MED25: variants seen among roughly 807,000 people sequenced by gnomAD.
MED25 encodes the protein mediator of RNA polymerase II transcription subunit 25.
MED25 carries 62 observed loss-of-function variants against 89.4 expected under a neutral mutation model. That is an observed-to-expected ratio of 0.69 (90% CI 0.57 to 0.86). The LOEUF (loss-of-function observed/expected upper bound fraction) is 0.86, where lower values mean the gene tolerates loss of function less well. MED25 is among the 40% of genes least tolerant of loss of function. The pLI, the probability that MED25 is intolerant of heterozygous loss-of-function variation, is 0.00. For synonymous variants in MED25, 449 were observed against 427.9 expected (o/e 1.05, Z -0.61); for missense variants, 905 against 1,005.2 (o/e 0.90, Z 1.35).
At position 49,835,520 on chromosome 19, in the gene MED25, C is replaced by G. The variant is rs1338661022; in HGVS notation, c.1675-14C>G. 1 of 1,541,276 alleles carries G rather than the reference C, an allele frequency of 6.5e-7. No individual in the cohort carries two copies. The highest frequency in any genetic ancestry group is 1.2e-5 in the South Asian group (1 of 82,706). On this transcript the variant is annotated splice_polypyrimidine_tract_variant and intron_variant, in intron 14 of 17. Coordinates refer to ENST00000312865, the MANE Select transcript of MED25 (RefSeq NM_030973.4). The surrounding 1 kb of genome is among the most constrained non-coding windows in gnomAD (Gnocchi z 6.2). The stretch of plus-strand genomic sequence containing the variant: ...CACCCTCAGTTACTGACCTGCCCCT[C>G]TCTCCCCGTGCAGATGGGGGGACAG...
rs372428025 is a variant in MED25, at chr19:49,835,714, C to G, written c.1747-13C>G. 127 of 1,607,396 alleles carry G rather than the reference C, an allele frequency of 7.9e-5. No individual in the cohort carries two copies. Among genetic ancestry groups the G allele is most frequent in the Non-Finnish European group, 1.0e-4 (120 of 1,177,606 alleles). ...CTGCCCATCTCCCTCACCCCTGTGT[C>G]TCTTCCCACCAGCTCCAGCTCCGCC... On this transcript the variant is annotated splice_polypyrimidine_tract_variant and intron_variant, in intron 15 of 17. Coordinates refer to ENST00000312865, the MANE Select transcript of MED25 (RefSeq NM_030973.4). The surrounding 1 kb of genome is among the most constrained non-coding windows in gnomAD (Gnocchi z 6.2).
intron 3 of MED25, among the ~76,000 whole-genome samples, chr19:49,825,941 A>G (rs1483954639): frequency 6.6e-6 from 1 of 151,406 alleles, no homozygotes; most frequent in African/African-American, 2.4e-5. Context: ...CTCGAGTCCC[A>G]GAAAGGCCCA....
At position 49,830,929 on chromosome 19, in the gene MED25, C is replaced by CCCCTGCTCCT; in HGVS notation, c.1101+42_1101+43insCCCTGCTCCT. 7 of 1,575,184 alleles carry CCCCTGCTCCT rather than the reference C, an allele frequency of 4.4e-6. No individual in the cohort carries two copies. Among genetic ancestry groups the CCCCTGCTCCT allele is most frequent in the Non-Finnish European group, 6.1e-6 (7 of 1,155,614 alleles). Reference sequence around the variant, plus strand: ...CTCCTGCCCCTGCTCCTTCCTCCTGCTGTCCACAGCTAGGACAGTTAGAGG... The same window carrying CCCCTGCTCCT: ...CTCCTGCCCCTGCTCCTTCCTCCTGCCCCTGCTCCTTGTCCACAGCTAGGACAGTTAGAGG... On this transcript the variant is annotated intron_variant, in intron 9 of 17. Transcript: ENST00000312865. The surrounding 1 kb of genome is among the most constrained non-coding windows in gnomAD (Gnocchi z 4.6).
At chr19:49,832,223 C>T (rs1363847037) in intron 12 of MED25, 66 bp downstream of exon 12, 1 of 1,562,526 alleles carries the variant, frequency 6.4e-7, no homozygotes, top group Non-Finnish European at 8.7e-7. Context: ...CTTTCCTGTT[C>T]CCTGCCCCAC....
rs554059694 is a variant in MED25, at chr19:49,834,166, A to G, written c.1483-820A>G. ...TCACCTCCTATCCCGGACCTAGGCC[A>G]CTGGGCAGCCCCTAGTTGATGGGAG... On this transcript the variant is annotated intron_variant, in intron 13 of 17. Coordinates refer to ENST00000312865, the MANE Select transcript of MED25 (RefSeq NM_030973.4). The surrounding 1 kb of genome is among the most constrained non-coding windows in gnomAD (Gnocchi z 4.1). 6.6e-6 allele frequency: 1 copy of G among 152,342 alleles called. No homozygotes were observed. Among genetic ancestry groups the G allele is most frequent in the Non-Finnish European group, 1.5e-5 (1 of 68,060 alleles). 9.4% of individuals were successfully genotyped at this position (152,342 alleles called of 1,614,324 possible).
At position 49,830,990 on chromosome 19, in the gene MED25, G is replaced by C; in HGVS notation, c.1101+103G>C. The C allele has an allele frequency of 1.5e-6, 2 of 1,304,134 alleles. No homozygotes were observed. The highest frequency in any genetic ancestry group is 2.2e-6 in the Non-Finnish European group (2 of 913,508). The allele number at this position is 1,304,134 out of a possible 1,614,324, so 80.8% of individuals were successfully genotyped here. A position where few individuals can be genotyped will look rare whatever the true frequency, so the allele number is the denominator to read the frequency against. ...TGCCTTCCAGGGGGATGTGGCTCTC[G>C]TGGTTCTGGGGCTTTGGGGGCTCGT... On this transcript the variant is annotated intron_variant, in intron 9 of 17. Coordinates refer to ENST00000312865, the MANE Select transcript of MED25 (RefSeq NM_030973.4). This position sits in a 1 kb window ranked among gnomAD's most constrained non-coding sequence, Gnocchi z 4.6.
In MED25 at chr19:49,832,370, C is replaced by T. The variant is rs1484444238; in HGVS notation, c.1437C>T (p.Asp479=). Residue 479 remains aspartate, a synonymous_variant, in exon 13 of 18, where the codon GAC becomes GAT. Transcript: ENST00000312865. ...TCCAGTTCCATTTCACCAACAAGGA[C>T]CTGGAGTCTCTCAAAGGCCTCTACC... is the stretch of plus-strand genomic sequence containing the variant. ...RMVQFHFTNK[D]LESLKGLYRI... is the part of the protein sequence containing the mutation. The T allele has an allele frequency of 2.5e-6, 4 of 1,611,506 alleles. No homozygotes were observed. The highest frequency in any genetic ancestry group is 3.4e-6 in the Non-Finnish European group (4 of 1,178,778).
At position 49,832,394 on chromosome 19, in the gene MED25, C is replaced by T; in HGVS notation, c.1461C>T (p.Tyr487=). ...NKDLESLKGL[Y]RIMGNGFAGC... Reference sequence around the variant, plus strand: ...ACCTGGAGTCTCTCAAAGGCCTCTACCGCATCATGGGCAACGGCTTCGTGA... The same window carrying T: ...ACCTGGAGTCTCTCAAAGGCCTCTATCGCATCATGGGCAACGGCTTCGTGA... The change falls in exon 13 of 18, where the codon TAC becomes TAT. Residue 487 remains tyrosine (Y), a synonymous_variant. Coordinates refer to ENST00000312865, the MANE Select transcript of MED25 (RefSeq NM_030973.4). 1 of 1,606,656 alleles carries T rather than the reference C, an allele frequency of 6.2e-7. No individual in the cohort carries two copies.
At chr19:49,818,643 G>T (rs2073956716) in intron 2 of MED25, 27 bp downstream of exon 2, 1 of 1,603,844 alleles carries the variant, frequency 6.2e-7, no homozygotes, top group Admixed American at 1.7e-5. Context: ...CTGGGCCTGA[G>T]GGAGGAGGGG....
chr19:49,825,907 C>A (rs905769657), intron 3 of MED25, among the ~76,000 whole-genome samples: 1 of 152,130 alleles, frequency 6.6e-6, no homozygotes. Context: ...CCCATCCCCC[C>A]ATCCCCAGCC....
At position 49,836,849 on chromosome 19, in the gene MED25, C is replaced by G; in HGVS notation, c.2149C>G (p.Gln717Glu). 6.2e-7 allele frequency: 1 copy of G among 1,610,394 alleles called. No individual in the cohort carries two copies. Among genetic ancestry groups the G allele is most frequent in the Non-Finnish European group, 8.5e-7 (1 of 1,178,454 alleles). ...QLPPRAPLPG[Q>E]MLLSGGPRGP... ...GTCCCTTCCCCACTGCCCCTCAGGT[C>G]AGATGCTGCTGAGCGGGGGTCCCCG... Residue 717 changes from glutamine to glutamate, a missense_variant and splice_region_variant, in exon 18 of 18, where the codon CAG (glutamine) becomes GAG (glutamate). This residue lies in a region of MED25 where 271 missense variants were observed against 258.1 expected (regional missense o/e 1.05). Coordinates refer to ENST00000312865, the MANE Select transcript of MED25 (RefSeq NM_030973.4). The surrounding 1 kb of genome is among the most constrained non-coding windows in gnomAD (Gnocchi z 5.1).
chr19:49,829,774 C>T lies in MED25; in HGVS notation c.526-12C>T, dbSNP rs1452947893. On this transcript the variant is annotated splice_polypyrimidine_tract_variant and intron_variant, in intron 5 of 17. Transcript: ENST00000312865. This position sits in a 1 kb window ranked among gnomAD's most constrained non-coding sequence, Gnocchi z 4.6. ...GGGGGCCCGTCATGACTGCTCGGCC[C>T]CTCTCCTACAGCGGGGGATCCACTT... 6.3e-7 allele frequency: 1 copy of T among 1,579,318 alleles called. No individual in the cohort carries two copies. The highest frequency in any genetic ancestry group is 1.4e-5 in the African/African-American group (1 of 74,046).
At position 49,829,097 on chromosome 19, in the gene MED25, A is replaced by C; in HGVS notation, c.525+7A>C. Reference sequence around the variant, plus strand: ...TGTGCAGCAGATTGGGGAGGTGAGGACTCCAGGGTCTGAGGGACGAGGGTC... The same window carrying C: ...TGTGCAGCAGATTGGGGAGGTGAGGCCTCCAGGGTCTGAGGGACGAGGGTC... On this transcript the variant is annotated splice_region_variant and intron_variant, in intron 5 of 17. Coordinates refer to ENST00000312865, the MANE Select transcript of MED25 (RefSeq NM_030973.4). The surrounding 1 kb of genome is among the most constrained non-coding windows in gnomAD (Gnocchi z 4.6). 3.1e-6 allele frequency: 5 copies of C among 1,612,530 alleles called. No homozygotes were observed. Among genetic ancestry groups the C allele is most frequent in the Non-Finnish European group, 4.2e-6 (5 of 1,179,320 alleles).
rs768524164 is a variant in MED25 at position 49,820,451 on chromosome 19, C to A, written c.305+1155C>A. 8.5e-5 allele frequency among the ~76,000 whole-genome samples: 13 copies of A among 152,248 alleles called. 1 individual carries two copies. The highest frequency in any genetic ancestry group is 2.6e-4 in the Admixed American group (4 of 15,286). ...CCTAGGCACGGGCTTATCCCATAAC[C>A]TTCACTGTGGTGCCCAGGCAGCTCA... On this transcript the variant is annotated intron_variant, in intron 3 of 17. Transcript: ENST00000312865.
intron 3 of MED25, among the ~76,000 whole-genome samples, chr19:49,821,699 C>A (rs2073983386): frequency 6.6e-6 from 1 of 152,068 alleles, no homozygotes; most frequent in Non-Finnish European, 1.5e-5. Flanking sequence ...TGCCTGTAAT[C>A]CCAGCTCTTG....
intron 4 of MED25, 76 bp from the exon 5 acceptor site, chr19:49,828,894 C>T: frequency 6.2e-7 from 1 of 1,600,090 alleles, no homozygotes; most frequent in South Asian, 1.1e-5. Flanking sequence ...ATGTGCATCT[C>T]CGCTGGTGCT....
chr19:49,839,046 T>C (rs1047902433), downstream of MED25: 2 of 315,120 alleles, frequency 6.3e-6, no homozygotes, highest in Middle Eastern at 1.1e-3. Flanking sequence ...ACTCGGGGGA[T>C]TTACAAGTCC....
chr19:49,828,358 A>G (rs1173356030), intron 3 of MED25, 91 bp from the exon 4 acceptor site: 4 of 868,496 alleles, frequency 4.6e-6, no homozygotes, highest in South Asian at 1.3e-5. Context: ...CCCAGGATAG[A>G]GTGGGGGACA....
chr19:49,835,729 C>T lies in MED25; in HGVS notation c.1749C>T (p.Leu583=). 1.2e-6 allele frequency: 2 copies of T among 1,609,498 alleles called. No individual in the cohort carries two copies. The highest frequency in any genetic ancestry group is 8.5e-7 in the Non-Finnish European group (1 of 1,178,518). ...EDQARPSQNL[L]QLRPPQPQPQ... ...ACCCCTGTGTCTCTTCCCACCAGCT[C>T]CAGCTCCGCCCACCGCAGCCCCAGC... The change falls in exon 16 of 18, where the codon CTC becomes CTT. Residue 583 remains leucine (L), a splice_region_variant and synonymous_variant. Transcript: ENST00000312865. This position sits in a 1 kb window ranked among gnomAD's most constrained non-coding sequence, Gnocchi z 6.2.
Sources: gnomAD v4.1 joint callset for allele counts (sites outside exome capture counted in the v4.1 genomes callset) on GRCh38, gnomAD v4.1.1 for gene constraint, gnomAD v4.1.1 regional missense constraint, Gnocchi (gnomAD v3.1) non-coding constraint, MANE v1.5 for transcripts, NCBI Gene and HGNC (gene_info 2026-07-23, HGNC 2026-07-21) for gene names.